Variants in BPTF observed in about 807,000 individuals in gnomAD.
BPTF encodes nucleosome-remodeling factor subunit BPTF.
Under a neutral mutation model 292.5 loss-of-function variants are expected in BPTF, and 18 were observed. The ratio of observed to expected loss-of-function variants is 0.06; its 90% confidence interval spans 0.04 to 0.09. The LOEUF (loss-of-function observed/expected upper bound fraction) is 0.09, where lower values mean the gene tolerates loss of function less well. Among genes scored for constraint, BPTF ranks in the 10% least tolerant of loss-of-function variants. BPTF has a pLI of 1.00. For synonymous variants in BPTF, 1,225 were observed against 1,251.9 expected, an observed-to-expected ratio of 0.98 and a Z score of 0.45; for missense variants, 2,726 against 3,498.7, an observed-to-expected ratio of 0.78 and a Z score of 5.57.
At chr17:67,868,927 A>T (rs891831453) in intron 3 of BPTF, among the ~76,000 whole-genome samples, 4 of 152,182 alleles carry the variant, frequency 2.6e-5, no homozygotes, top group Non-Finnish European at 5.9e-5. Context: ...ATTTATTCAT[A>T]TCTGGTAGTT....
At chr17:67,978,419 C>T (rs1391705903) in intron 27 of BPTF, among the ~76,000 whole-genome samples, 1 of 151,916 alleles carries the variant, frequency 6.6e-6, no homozygotes, top group Non-Finnish European at 1.5e-5. Flanking sequence ...CTGCCTCAGC[C>T]TCCCAAGTAG....
At chr17:67,976,716 T>TAAGAA (rs2069518420) in intron 27 of BPTF, among the ~76,000 whole-genome samples, 3 of 128,494 alleles carry the variant, frequency 2.3e-5, no homozygotes, top group Admixed American at 1.7e-4. Flanking sequence ...AAAAAAAAAA[T>TAAGAA]AAGAATAAAA....
intron 11 of BPTF, among the ~76,000 whole-genome samples, chr17:67,918,062 G>A (rs2063172051): frequency 6.6e-6 from 1 of 151,818 alleles, no homozygotes; most frequent in African/African-American, 2.4e-5. Context: ...GCCTCCCAAA[G>A]TGCTGGGATT....
chr17:67,870,904 G>A (rs1320593839), intron 3 of BPTF, among the ~76,000 whole-genome samples: 2 of 149,658 alleles, frequency 1.3e-5, no homozygotes, highest in Non-Finnish European at 3.0e-5. Context: ...CAAGTAGCTG[G>A]GACTACAGGC....
intron 1 of BPTF, among the ~76,000 whole-genome samples, chr17:67,847,802 C>G (rs2058138068): frequency 6.6e-6 from 1 of 152,026 alleles, no homozygotes; most frequent in Admixed American, 6.5e-5. Flanking sequence ...TAACCTTGTT[C>G]AGTAATAACG....
chr17:67,872,125 C>G (rs2059780827), intron 3 of BPTF, among the ~76,000 whole-genome samples: 1 of 151,972 alleles, frequency 6.6e-6, no homozygotes, highest in Non-Finnish European at 1.5e-5. Flanking sequence ...TGCGCCCAGC[C>G]CTGTTTTTGG....
intron 15 of BPTF, among the ~76,000 whole-genome samples, chr17:67,925,449 A>G (rs141727791): frequency 0.017 from 2,611 of 152,246 alleles, 66 homozygotes; most frequent in African/African-American, 0.055. Context: ...GGATCCCTTG[A>G]GTCCAGGGGT....
rs1458407670 is a variant in BPTF at position 67,922,847 on chromosome 17, T to A, written c.5565T>A (p.Pro1855=). 3.1e-6 allele frequency: 5 copies of A among 1,603,610 alleles called. No individual in the cohort carries two copies. The highest frequency in any genetic ancestry group is 1.3e-5 in the African/African-American group (1 of 74,084). Residue 1855 remains proline, a synonymous_variant, in exon 14 of 28, where the codon CCT becomes CCA. Transcript: ENST00000306378. ...IGVPETPKET[P]TPQRKGLRSS... ...CTGATTTCCTTTCCAAAGAAACGCC[T>A]ACACCTCAGAGGAAAGGCCTTCGAT... is the stretch of plus-strand genomic sequence containing the variant.
Position 67,948,225 on chromosome 17 carries a change from C to T in BPTF, c.7845C>T (p.Leu2615=). 6.8e-6 allele frequency: 11 copies of T among 1,614,174 alleles called. No individual in the cohort carries two copies. Among genetic ancestry groups the T allele is most frequent in the Non-Finnish European group, 9.3e-6 (11 of 1,180,038 alleles). The part of the protein sequence containing the change: ...KQNATKLSAL[L]FKHKEQLRAE... ...ATGCCACTAAGCTGTCAGCTCTGCT[C>T]TTCAAGCACAAAGAGCAGCTCAGAG... Residue 2615 remains leucine, a synonymous_variant, in exon 23 of 28, where the codon CTC becomes CTT. Coordinates refer to ENST00000306378, the MANE Select transcript of BPTF (RefSeq NM_182641.4).
intron 14 of BPTF, among the ~76,000 whole-genome samples, chr17:67,923,458 CCT>C (rs954570450): frequency 1.4e-5 from 2 of 142,836 alleles, no homozygotes; most frequent in South Asian, 2.3e-4. Flanking sequence ...TTAGTAAGGT[CCT>C]CTCTCTCTGT....
chr17:67,887,468 G>A (rs1397458185), intron 4 of BPTF, among the ~76,000 whole-genome samples: 1 of 151,944 alleles, frequency 6.6e-6, no homozygotes, highest in Non-Finnish European at 1.5e-5. Flanking sequence ...AGTTTCTCTG[G>A]ATTTTGTGTT....
At chr17:67,826,582 C>G in intron 1 of BPTF, among the ~76,000 whole-genome samples, 1 of 95,488 alleles carries the variant, frequency 1.0e-5, no homozygotes, top group African/African-American at 2.9e-5. Flanking sequence ...GCTCTCTCTC[C>G]CCCCCCCAAC....
At chr17:67,842,685 T>C (rs1035639917) in intron 1 of BPTF, among the ~76,000 whole-genome samples, 2 of 152,018 alleles carry the variant, frequency 1.3e-5, no homozygotes, top group Non-Finnish European at 2.9e-5. Flanking sequence ...ATAAAACATA[T>C]ATGTGATAGA....
In BPTF at chr17:67,978,689, G is replaced by A. The variant is rs572031023; in HGVS notation, c.8726+2731G>A. Among the ~76,000 whole-genome samples the A allele has an allele frequency of 1.0e-3, 153 of 152,310 alleles. 1 individual carries two copies. The highest frequency in any genetic ancestry group is 1.5e-3 in the Non-Finnish European group (99 of 68,032). ...CAAGATGACATTTATACAGCAGGCT[G>A]TAAAATGTCAGCAGACCAAATCCTA... On this transcript the variant is annotated intron_variant, in intron 27 of 27. Coordinates refer to ENST00000306378, the MANE Select transcript of BPTF (RefSeq NM_182641.4).
rs1384605896 is a variant in BPTF, at chr17:67,928,503, C to A, written c.5900C>A (p.Thr1967Asn). 1.9e-6 allele frequency: 3 copies of A among 1,614,044 alleles called. No homozygotes were observed. In the African/African-American group the frequency reaches 4.0e-5, roughly 22 times the overall value. Reference protein sequence around the residue: ...SVTTGTKMVLTTKVGSPATVT... With the variant: ...SVTTGTKMVLNTKVGSPATVT... ...ACAACTGGAACCAAAATGGTACTAACTACTAAAGTTGGATCTCCAGCTACA... is the reference window on the plus strand; with the variant it reads ...ACAACTGGAACCAAAATGGTACTAAATACTAAAGTTGGATCTCCAGCTACA... The change falls in exon 16 of 28, where the codon ACT (threonine) becomes AAT (asparagine). Residue 1967 changes from threonine to asparagine, a missense_variant. Thr to Asn is a moderately conservative substitution (Grantham distance 65). Transcript: ENST00000306378.
chr17:67,848,115 C>A lies in BPTF; in HGVS notation c.614-5825C>A, dbSNP rs561798852. Among the ~76,000 whole-genome samples the A allele has an allele frequency of 2.6e-5, 4 of 152,080 alleles. No homozygotes were observed. The East Asian group carries it at 7.7e-4, about 29-fold the overall frequency. The stretch of plus-strand genomic sequence containing the variant: ...GTTACATTTTTTCCTTCTAGAAACA[C>A]ACATTATATAGAGAGTTGCCTTTTG... On this transcript the variant is annotated intron_variant, in intron 1 of 27. Transcript: ENST00000306378.
chr17:67,826,580 T>TC (rs11414914), intron 1 of BPTF, among the ~76,000 whole-genome samples: 76,034 of 135,818 alleles, frequency 0.56, 22,044 homozygotes, highest in Non-Finnish European at 0.65. Flanking sequence ...TCGCTCTCTC[T>TC]CCCCCCCCCA....
chr17:67,969,913 T>G (rs1028313938), intron 26 of BPTF, among the ~76,000 whole-genome samples: 1 of 150,926 alleles, frequency 6.6e-6, no homozygotes, highest in Non-Finnish European at 1.5e-5. Flanking sequence ...GGAACAAGAG[T>G]GAAACTCCGT....
At chr17:67,894,744 A>T (rs73336749) in intron 7 of BPTF, among the ~76,000 whole-genome samples, 3,470 of 152,228 alleles carry the variant, frequency 0.023, 135 homozygotes, top group African/African-American at 0.079. Flanking sequence ...TAGAAAGAGC[A>T]CTCACATTTT....
Sources: allele counts gnomAD v4.1 joint callset (sites outside exome capture counted in the v4.1 genomes callset), GRCh38; gene constraint gnomAD v4.1.1; transcripts MANE v1.5; gene names NCBI Gene and HGNC (gene_info 2026-07-23, HGNC 2026-07-21).